NPR1: variants seen among roughly 807,000 people sequenced by gnomAD.
NPR1 encodes the protein atrial natriuretic peptide receptor 1.
NPR1 carries 57 observed loss-of-function variants against 116.9 expected under a neutral mutation model. That is an observed-to-expected ratio of 0.49 (90% confidence interval 0.39 to 0.61). The LOEUF (loss-of-function observed/expected upper bound fraction) is 0.61. NPR1 is among the 20% of genes least tolerant of loss of function. The pLI is 0.00. For missense variants in NPR1, 1,096 were observed against 1,409.8 expected, an observed-to-expected ratio of 0.78 and a Z score of 3.56; for synonymous variants, 555 against 601.6, an observed-to-expected ratio of 0.92 and a Z score of 1.13.
intron 20 of NPR1, among the ~76,000 whole-genome samples, 168 bp downstream of exon 20, chr1:153,690,550 G>A (rs1252964049): frequency 6.6e-6 from 1 of 152,090 alleles, no homozygotes; most frequent in African/African-American, 2.4e-5. Context: ...CAACTTGACT[G>A]TAACCAGAGA....
Position 153,693,367 on chromosome 1 carries a change from C to A in NPR1, c.3139C>A (p.Arg1047=). ...TTCCCTCCAGGGCAAAGGCAAGGTT[C>A]GGACCTACTGGCTCCTTGGGGAGAG... The part of the protein sequence containing the change: ...DVEMKGKGKV[R]TYWLLGERGS... The change falls in exon 22 of 22, where the codon CGG becomes AGG. Residue 1047 remains arginine, a synonymous_variant. Coordinates refer to ENST00000368680, the MANE Select transcript of NPR1 (RefSeq NM_000906.4). 1 of 1,613,230 alleles carries A rather than the reference C, an allele frequency of 6.2e-7. No homozygotes were observed. Among genetic ancestry groups the A allele is most frequent in the African/African-American group, 1.3e-5 (1 of 75,020 alleles).
At chr1:153,680,070 C>A (rs1669720015) in intron 1 of NPR1, among the ~76,000 whole-genome samples, 4 of 151,938 alleles carry the variant, frequency 2.6e-5, no homozygotes, top group Admixed American at 1.3e-4. Context: ...TCCCTCCCAC[C>A]CTAGCACAGC....
chr1:153,682,569 C>G lies in NPR1; in HGVS notation c.1243C>G (p.Pro415Ala), dbSNP rs1310815484. 2 of 1,613,872 alleles carry G rather than the reference C, an allele frequency of 1.2e-6. No homozygotes were observed. The highest frequency in any genetic ancestry group is 1.7e-6 in the Non-Finnish European group (2 of 1,179,778). The change falls in exon 5 of 22, where the codon CCC becomes GCC. Residue 415 changes from proline (P) to alanine (A), a missense_variant. Physicochemically the swap from Pro to Ala is conservative, Grantham distance 27. Coordinates refer to ENST00000368680, the MANE Select transcript of NPR1 (RefSeq NM_000906.4). ...ETDFSLWDMDPENGAFRVVLN... is the reference protein window; with the variant it reads ...ETDFSLWDMDAENGAFRVVLN... ...AGACTTCTCCCTCTGGGATATGGAT[C>G]CCGAGAATGGTGCCTTCAGGGTAAG...
In NPR1 at chr1:153,693,110, G is replaced by C. The variant is rs1280014868; in HGVS notation, c.3036G>C (p.Leu1012=). The change falls in exon 21 of 22, where the codon CTG becomes CTC. Residue 1012 remains leucine, a synonymous_variant. Transcript: ENST00000368680. ...ASRMESNGEA[L]KIHLSSETKA... ...CTTCTCCCCTGTCCTACCCAGCCCT[G>C]AAGATCCACTTGTCTTCTGAGACCA... The C allele has an allele frequency of 6.2e-7, 1 of 1,613,232 alleles. No individual in the cohort carries two copies. Among genetic ancestry groups the C allele is most frequent in the African/African-American group, 1.3e-5 (1 of 74,876 alleles).
intron 1 of NPR1, among the ~76,000 whole-genome samples, chr1:153,680,123 C>T (rs1386334872): frequency 1.3e-5 from 2 of 151,612 alleles, no homozygotes; most frequent in African/African-American, 4.9e-5. Flanking sequence ...TCTCTCTTCC[C>T]TATAGCCTTC....
Position 153,678,793 on chromosome 1 carries a change from T to TTCTCTC in NPR1, c.-298_-293dup, listed in dbSNP as rs72446315. On this transcript the variant is annotated 5_prime_UTR_variant, in exon 1 of 22. Coordinates refer to ENST00000368680, the MANE Select transcript of NPR1 (RefSeq NM_000906.4). The surrounding 1 kb of genome is among the most constrained non-coding windows in gnomAD (Gnocchi z 5.8). ...TTCACGAAGCGCTCACTCGCACCCTTTCTCTCTCTCTCTCTCTCTCTCTAA... is the reference window on the plus strand; with the variant it reads ...TTCACGAAGCGCTCACTCGCACCCTTTCTCTCTCTCTCTCTCTCTCTCTCTCTCTAA... 3.5e-5 allele frequency: 12 copies of TTCTCTC among 343,064 alleles called. No homozygotes were observed. The highest frequency in any genetic ancestry group is 1.1e-4 in the African/African-American group (5 of 46,280). 21.3% of individuals were successfully genotyped at this position (343,064 alleles called of 1,614,324 possible).
In NPR1 at chr1:153,679,642, G is replaced by A. The variant is rs766293939; in HGVS notation, c.534G>A (p.Trp178Ter). ...CGGCGCTGCACCGACGGCTGGGCTGGGAGCGCCAAGCGCTCATGCTCTACG... is the reference window on the plus strand; with the variant it reads ...CGGCGCTGCACCGACGGCTGGGCTGAGAGCGCCAAGCGCTCATGCTCTACG... ...FVAALHRRLG[W>*]ERQALMLYAY... Residue 178 changes from tryptophan (W) to a stop codon, truncating the protein, a stop_gained, in exon 1 of 22, where the codon TGG becomes TGA. Transcript: ENST00000368680. LOFTEE classifies it high-confidence loss of function. This position sits in a 1 kb window ranked among gnomAD's most constrained non-coding sequence, Gnocchi z 4.2. The A allele has an allele frequency of 1.2e-6, 2 of 1,600,054 alleles. No individual in the cohort carries two copies. Among genetic ancestry groups the A allele is most frequent in the Non-Finnish European group, 1.7e-6 (2 of 1,175,626 alleles).
chr1:153,692,443 C>T (rs760371258), intron 20 of NPR1, among the ~76,000 whole-genome samples: 4 of 151,464 alleles, frequency 2.6e-5, no homozygotes, highest in Non-Finnish European at 5.9e-5. Flanking sequence ...CTGTCCAATA[C>T]AGTAGCCTCT....
chr1:153,680,846 G>T, intron 2 of NPR1, 146 bp downstream of exon 2: 1 of 714,398 alleles, frequency 1.4e-6, no homozygotes, highest in Admixed American at 2.9e-5. Flanking sequence ...TCACAGAACA[G>T]AAAAGAGGTT....
chr1:153,685,107 TG>T (rs749044712), intron 8 of NPR1, 23 bp downstream of exon 8: 1 of 1,612,156 alleles, frequency 6.2e-7, no homozygotes, highest in African/African-American at 1.3e-5. Context: ...GTGTTTGTGT[TG>T]GGGGGCAATA....
intron 15 of NPR1, among the ~76,000 whole-genome samples, chr1:153,688,476 G>A (rs763897429): frequency 4.0e-5 from 6 of 151,836 alleles, no homozygotes; most frequent in Non-Finnish European, 8.8e-5. Flanking sequence ...CTGCCCACTC[G>A]CCTTGCTGGC....
rs2101737158 is a variant in NPR1, at chr1:153,688,192, G to C, written c.2388G>C (p.Gln796His). The C allele has an allele frequency of 6.2e-7, 1 of 1,613,856 alleles. No individual in the cohort carries two copies. The highest frequency in any genetic ancestry group is 1.1e-5 in the South Asian group (1 of 91,072). The change falls in exon 15 of 22, where the codon CAG becomes CAC. Residue 796 changes from glutamine (Q) to histidine (H), a missense_variant. Coordinates refer to ENST00000368680, the MANE Select transcript of NPR1 (RefSeq NM_000906.4). Reference protein sequence around the residue: ...EDPQERPPFQQIRLTLRKFNR... With the variant: ...EDPQERPPFQHIRLTLRKFNR... ...CACAGGAGAGGCCACCATTCCAGCA[G>C]ATCCGCCTGACGTTGCGCAAATTTA...
At position 153,683,821 on chromosome 1, in the gene NPR1, A is replaced by G; in HGVS notation, c.1481A>G (p.Tyr494Cys). The change falls in exon 7 of 22, where the codon TAC becomes TGC. Residue 494 changes from tyrosine (Y) to cysteine (C), a missense_variant. By Grantham distance (194) the Tyr-to-Cys change is radical. Transcript: ENST00000368680. ...ATTCTGATTGTCTCCTTCTTCATAT[A>G]CAGGTGAGCTGTGATGTGGGGGGTT... ...LGILIVSFFIYRKMQLEKELA... is the reference protein window; with the variant it reads ...LGILIVSFFICRKMQLEKELA... 2 of 1,613,040 alleles carry G rather than the reference A, an allele frequency of 1.2e-6. No homozygotes were observed. The highest frequency in any genetic ancestry group is 4.5e-5 in the East Asian group (2 of 44,832).
intron 19 of NPR1, 44 bp from the exon 20 acceptor site, chr1:153,690,240 C>A: frequency 6.8e-7 from 1 of 1,468,758 alleles, no homozygotes; most frequent in Non-Finnish European, 9.3e-7. Context: ...CCCCTCCCTC[C>A]CTCACTCGCT....
chr1:153,680,955 G>T lies in NPR1; in HGVS notation c.922-225G>T, dbSNP rs552902587. The T allele has an allele frequency of 1.7e-4, 99 of 597,532 alleles. No homozygotes were observed. In the African/African-American group the frequency reaches 1.8e-3, roughly 11 times the overall value. 37.0% of individuals were successfully genotyped at this position (597,532 alleles called of 1,614,324 possible). On this transcript the variant is annotated intron_variant, in intron 2 of 21. Coordinates refer to ENST00000368680, the MANE Select transcript of NPR1 (RefSeq NM_000906.4). ...AAAGATAAGAAAATGGGCTTGAGGC[G>T]GGAGGAGGATAAAGTCCCACAGCCT...
In NPR1 at chr1:153,693,911, GA is replaced by G. The variant is rs563562189; in HGVS notation, c.*498del. The G allele has an allele frequency of 1.8e-5, 7 of 397,880 alleles. No homozygotes were observed. The East Asian group carries it at 2.1e-4, about 12-fold the overall frequency. The allele number at this position is 397,880 out of a possible 1,614,324, so 24.6% of individuals were successfully genotyped here. On this transcript the variant is annotated 3_prime_UTR_variant, in exon 22 of 22. Transcript: ENST00000368680. ...AGTAGACACAGTGCACAGGGGAGAAGAGGGGTGGCGCAGAAGGGTTGGGGGC... is the reference window on the plus strand; with the variant it reads ...AGTAGACACAGTGCACAGGGGAGAAGGGGGTGGCGCAGAAGGGTTGGGGGC...
intron 5 of NPR1, 74 bp from the exon 6 acceptor site, chr1:153,683,302 A>G: frequency 2.0e-6 from 3 of 1,519,720 alleles, no homozygotes; most frequent in Non-Finnish European, 2.7e-6. Context: ...GGTAGGTGGG[A>G]GGTGAGACTG....
In NPR1 at chr1:153,679,276, A is replaced by C. The variant is rs755697897; in HGVS notation, c.168A>C (p.Gly56=). ...TSYPWSWARV[G]PAVELALAQV... is the part of the protein sequence containing the mutation. ...ACCCCTGGTCGTGGGCGCGCGTGGG[A>C]CCCGCCGTGGAGCTGGCCCTGGCCC... Residue 56 remains glycine (G), a synonymous_variant, in exon 1 of 22, where the codon GGA becomes GGC. Coordinates refer to ENST00000368680, the MANE Select transcript of NPR1 (RefSeq NM_000906.4). This position sits in a 1 kb window ranked among gnomAD's most constrained non-coding sequence, Gnocchi z 4.2. The C allele has an allele frequency of 9.8e-6, 15 of 1,527,076 alleles. No homozygotes were observed. Among genetic ancestry groups the C allele is most frequent in the Non-Finnish European group, 1.3e-5 (15 of 1,142,748 alleles). The allele number at this position is 1,527,076 out of a possible 1,614,324, so 94.6% of individuals were successfully genotyped here.
At chr1:153,681,657 A>G (rs1260067718) in intron 3 of NPR1, 47 bp from the exon 4 acceptor site, 4 of 1,599,438 alleles carry the variant, frequency 2.5e-6, no homozygotes, top group African/African-American at 1.3e-5. Flanking sequence ...TCCCACCTCC[A>G]TGCCCTTCAT....
Sources: gnomAD v4.1 joint callset for allele counts (sites outside exome capture counted in the v4.1 genomes callset) on GRCh38, gnomAD v4.1.1 for gene constraint, Gnocchi (gnomAD v3.1) non-coding constraint, MANE v1.5 for transcripts, NCBI Gene and HGNC (gene_info 2026-07-23, HGNC 2026-07-21) for gene names.